The following ARHGEF10L variants were observed in gnomAD, a reference collection of about 807,000 sequenced individuals.
The protein encoded by ARHGEF10L is Rho guanine nucleotide exchange factor 10 like, also known as rho guanine nucleotide exchange factor 10-like protein.
ARHGEF10L carries 69 observed loss-of-function variants against 141.2 expected under a neutral mutation model. The ratio of observed to expected loss-of-function variants is 0.49; its 90% CI spans 0.40 to 0.60. The LOEUF (loss-of-function observed/expected upper bound fraction) is 0.60, where lower values mean the gene tolerates loss of function less well. ARHGEF10L is among the 20% of genes least tolerant of loss of function. ARHGEF10L has a pLI of 0.00. For missense variants in ARHGEF10L, 1,482 were observed against 1,734.3 expected (o/e 0.85, Z 2.58); for synonymous variants, 711 against 718.5 (o/e 0.99, Z 0.17).
At chr1:17,529,169 A>G in the ARHGEF10L span, among the ~76,000 whole-genome samples, 1 of 151,950 alleles carries the variant, frequency 6.6e-6, no homozygotes. Context: ...CACCCAGCTA[A>G]TTTTTGTATT....
chr1:17,640,181 C>T (rs917275291), intron 20 of ARHGEF10L, 21 bp from the exon 21 acceptor site: 3 of 1,603,722 alleles, frequency 1.9e-6, no homozygotes, highest in African/African-American at 1.3e-5. Flanking sequence ...CACACATCCA[C>T]TCTAACCCTT....
intron 1 of ARHGEF10L, among the ~76,000 whole-genome samples, chr1:17,568,204 G>T (rs956248613): frequency 1.3e-5 from 2 of 152,148 alleles, no homozygotes; most frequent in African/African-American, 2.4e-5. Flanking sequence ...TGTTCATTTA[G>T]CAGGAGGCAG....
upstream of ARHGEF10L, among the ~76,000 whole-genome samples, chr1:17,536,419 G>A (rs2076576046): frequency 6.6e-6 from 1 of 152,174 alleles, no homozygotes; most frequent in African/African-American, 2.4e-5. Flanking sequence ...GGAGGTTGCG[G>A]TGAGCTGAGA....
intron 21 of ARHGEF10L, among the ~76,000 whole-genome samples, chr1:17,647,583 G>A (rs1164340373): frequency 6.6e-6 from 1 of 152,216 alleles, no homozygotes; most frequent in African/African-American, 2.4e-5. Context: ...CTCGCTATGT[G>A]CCTTGCAGTG....
At chr1:17,660,889 C>T (rs1571340498) in intron 25 of ARHGEF10L, among the ~76,000 whole-genome samples, 1 of 152,208 alleles carries the variant, frequency 6.6e-6, no homozygotes, top group African/African-American at 2.4e-5. Flanking sequence ...TCCCATCAGG[C>T]AGGGGCGGCT....
chr1:17,689,309 T>C lies in ARHGEF10L; in HGVS notation c.3184+1562T>C, dbSNP rs376898482. On this transcript the variant is annotated intron_variant, in intron 27 of 28. Transcript: ENST00000361221. ...GTAGGTCCCAGCTCAGGGACTGTTA[T>C]GAGGATAAATGCTGGTGGGCTGGGA... 1.2e-4 allele frequency among the ~76,000 whole-genome samples: 19 copies of C among 152,048 alleles called. No homozygotes were observed. The East Asian group carries it at 2.5e-3, about 20-fold the overall frequency.
chr1:17,623,818 G>A lies in ARHGEF10L; in HGVS notation c.1201-569G>A, dbSNP rs1156818047. Among the ~76,000 whole-genome samples, 1 of 152,050 alleles carries A rather than the reference G, an allele frequency of 6.6e-6. No homozygotes were observed. Among genetic ancestry groups the A allele is most frequent in the Admixed American group, 6.6e-5 (1 of 15,264 alleles). ...TTTAGGTAACTAGGTTTTGCTAAAA[G>A]AAAAAAACTTTTTTTTGAAAGCCAC... On this transcript the variant is annotated intron_variant, in intron 12 of 28. Coordinates refer to ENST00000361221, the MANE Select transcript of ARHGEF10L (RefSeq NM_018125.4). This position sits in a 1 kb window ranked among gnomAD's most constrained non-coding sequence, Gnocchi z 4.7.
intron 4 of ARHGEF10L, among the ~76,000 whole-genome samples, chr1:17,597,508 C>T (rs892090456): frequency 3.9e-5 from 6 of 152,162 alleles, no homozygotes; most frequent in African/African-American, 7.2e-5. Context: ...TGAGCTGGAA[C>T]GTTGCTCGTG....
intron 1 of ARHGEF10L, among the ~76,000 whole-genome samples, chr1:17,567,105 C>A (rs945071026): frequency 6.6e-6 from 1 of 152,212 alleles, no homozygotes; most frequent in Non-Finnish European, 1.5e-5. Flanking sequence ...CACAGGACGA[C>A]CTTGGATAGA....
At chr1:17,540,505 A>C (rs1326003227) in intron 1 of ARHGEF10L, among the ~76,000 whole-genome samples, 1 of 152,038 alleles carries the variant, frequency 6.6e-6, no homozygotes, top group African/African-American at 2.4e-5. Context: ...CCAGTCCCGG[A>C]TCCTCCCTGG....
Position 17,639,794 on chromosome 1 carries a change from T to C in ARHGEF10L, c.2172-408T>C. 1 of 1,255,842 alleles carries C rather than the reference T, an allele frequency of 8.0e-7. No individual in the cohort carries two copies. 77.8% of individuals were successfully genotyped at this position (1,255,842 alleles called of 1,614,324 possible). On this transcript the variant is annotated intron_variant, in intron 20 of 28. Coordinates refer to ENST00000361221, the MANE Select transcript of ARHGEF10L (RefSeq NM_018125.4). The surrounding 1 kb of genome is among the most constrained non-coding windows in gnomAD (Gnocchi z 4.3). ...TGAGCAACTGTCCCATGCCAGGTGC[T>C]GGGAACAGACCCAAGTGAGACCCAT...
At chr1:17,632,897 T>A (rs1279437540) in intron 16 of ARHGEF10L, among the ~76,000 whole-genome samples, 1 of 152,218 alleles carries the variant, frequency 6.6e-6, no homozygotes, top group Admixed American at 6.5e-5. Flanking sequence ...AGCATCATCA[T>A]CGGCCCAGAG....
Position 17,656,474 on chromosome 1 carries a change from C to T in ARHGEF10L, c.2706-80C>T, listed in dbSNP as rs752749166. 280 of 1,518,858 alleles carry T rather than the reference C, an allele frequency of 1.8e-4. No homozygotes were observed. The highest frequency in any genetic ancestry group is 2.4e-4 in the Non-Finnish European group (271 of 1,121,850). The allele number at this position is 1,518,858 out of a possible 1,614,324, so 94.1% of individuals were successfully genotyped here. On this transcript the variant is annotated intron_variant, in intron 24 of 28. Coordinates refer to ENST00000361221, the MANE Select transcript of ARHGEF10L (RefSeq NM_018125.4). This position sits in a 1 kb window ranked among gnomAD's most constrained non-coding sequence, Gnocchi z 4.9. ...AGAGGGGTCAGCTCCCTGGGGCCCT[C>T]TCCCTAGGAGGGCATGGGGGCAGTG...
At chr1:17,641,090 C>T (rs1303378042) in intron 21 of ARHGEF10L, among the ~76,000 whole-genome samples, 1 of 152,188 alleles carries the variant, frequency 6.6e-6, no homozygotes, top group Non-Finnish European at 1.5e-5. Context: ...TCTCGATCCC[C>T]ATCCATTCTG....
chr1:17,672,518 T>C (rs2063389786), intron 26 of ARHGEF10L, among the ~76,000 whole-genome samples: 1 of 152,130 alleles, frequency 6.6e-6, no homozygotes, highest in African/African-American at 2.4e-5. Flanking sequence ...GCATGCAGGG[T>C]CTCGCGTCCT....
chr1:17,568,273 A>C (rs1338215835), intron 1 of ARHGEF10L, among the ~76,000 whole-genome samples: 1 of 152,204 alleles, frequency 6.6e-6, no homozygotes, highest in Non-Finnish European at 1.5e-5. Context: ...GCTCTCAGTG[A>C]AGCACTTTCT....
intron 4 of ARHGEF10L, among the ~76,000 whole-genome samples, chr1:17,596,901 A>G (rs1306533704): frequency 6.6e-6 from 1 of 152,170 alleles, no homozygotes; most frequent in Non-Finnish European, 1.5e-5. Flanking sequence ...AAAATACAAA[A>G]AAAAGTAGAT....
upstream of ARHGEF10L, among the ~76,000 whole-genome samples, chr1:17,539,419 C>T (rs933683045): frequency 6.6e-6 from 1 of 152,118 alleles, no homozygotes; most frequent in Admixed American, 6.5e-5. The surrounding 1 kb of genome is among the most constrained non-coding windows in gnomAD (Gnocchi z 6.0). Flanking sequence ...AACCGGGAGG[C>T]GGGAAGTGGG....
intron 9 of ARHGEF10L, 37 bp downstream of exon 9, chr1:17,616,239 G>GTCAGAGCTGGGCAC: frequency 1.4e-6 from 2 of 1,466,908 alleles, no homozygotes; most frequent in Non-Finnish European, 1.9e-6. Context: ...CTGGTGCCCA[G>GTCAGAGCTGGGCAC]CTCTGACTGG....
Sources: allele counts gnomAD v4.1 joint callset (sites outside exome capture counted in the v4.1 genomes callset), GRCh38; gene constraint gnomAD v4.1.1; non-coding constraint Gnocchi (gnomAD v3.1); transcripts MANE v1.5; gene names NCBI Gene and HGNC (gene_info 2026-07-23, HGNC 2026-07-21).